Variants in SCNN1B observed in about 807,000 individuals in gnomAD.
The protein encoded by SCNN1B is sodium channel epithelial 1 subunit beta, also known as epithelial sodium channel subunit beta.
In SCNN1B, 46 loss-of-function variants were observed where a neutral mutation model predicts 65.3. The observed-to-expected ratio is 0.70, with a 90% CI of 0.56 to 0.90. The LOEUF is 0.90. Among genes scored for constraint, SCNN1B ranks in the 40% least tolerant of loss-of-function variants. SCNN1B has a pLI of 0.00. For synonymous variants in SCNN1B, 349 were observed against 330.6 expected, an observed-to-expected ratio of 1.06 and a Z score of -0.60; for missense variants, 751 against 830.5, an observed-to-expected ratio of 0.90 and a Z score of 1.18.
At chr16:23,368,374 TA>T (rs577397884) in intron 5 of SCNN1B, among the ~76,000 whole-genome samples, 99 of 148,798 alleles carry the variant, frequency 6.7e-4, no homozygotes, top group Non-Finnish European at 1.0e-3. Flanking sequence ...CCCCATCTCT[TA>T]AAAAAAAAAT....
intron 1 of SCNN1B, among the ~76,000 whole-genome samples, chr16:23,333,936 A>T (rs1961882189): frequency 6.6e-6 from 1 of 151,916 alleles, no homozygotes; most frequent in Non-Finnish European, 1.5e-5. Context: ...CTAACTCCCA[A>T]ACCCTACCCT....
intron 1 of SCNN1B, among the ~76,000 whole-genome samples, chr16:23,345,940 C>G (rs1185982522): frequency 2.0e-5 from 3 of 152,156 alleles, no homozygotes. Context: ...AGGAATAGAG[C>G]TGGGATGCTC....
chr16:23,359,923 C>T (rs1962502667), intron 4 of SCNN1B, among the ~76,000 whole-genome samples: 1 of 152,182 alleles, frequency 6.6e-6, no homozygotes. Context: ...GGCTTTTGGG[C>T]CGGGCATGGT....
chr16:23,371,244 C>G lies in SCNN1B; in HGVS notation c.881-55C>G, dbSNP rs937271498. 5.6e-6 allele frequency: 9 copies of G among 1,599,064 alleles called. No homozygotes were observed. In the African/African-American group the frequency reaches 1.1e-4, roughly 19 times the overall value. ...AGCTTGGAGAAGTGGGTAGTGGGGT[C>G]TCCTTTCTGCCTCAGGAGAAAGTTC... On this transcript the variant is annotated intron_variant, in intron 5 of 12. Transcript: ENST00000343070.
intron 1 of SCNN1B, among the ~76,000 whole-genome samples, chr16:23,305,550 A>T (rs1405642100): frequency 8.2e-5 from 3 of 36,558 alleles, no homozygotes; most frequent in African/African-American, 3.6e-4. Context: ...ATATATATAT[A>T]TATATATATA....
In SCNN1B at chr16:23,305,524, AATATATATATTATATATATATAT is replaced by A. The variant is rs1284337122; in HGVS notation, c.-9+3098_-9+3120del. On this transcript the variant is annotated intron_variant, in intron 1 of 12. Coordinates refer to ENST00000343070, the MANE Select transcript of SCNN1B (RefSeq NM_000336.3). ...ACATGGCAAAAACCCATCTCTACCAAATATATATATTATATATATATATATATATATATATATATATATATATA... is the reference window on the plus strand; with the variant it reads ...ACATGGCAAAAACCCATCTCTACCAAATATATATATATATATATATATATA... Among the ~76,000 whole-genome samples, 38 of 4,892 alleles carry A rather than the reference AATATATATATTATATATATATAT, an allele frequency of 7.8e-3. 3 individuals carry two copies. In the South Asian group the frequency reaches 0.085, roughly 11 times the overall value. 3.2% of individuals were successfully genotyped at this position (4,892 alleles called of 152,430 possible). A position where few individuals can be genotyped will look rare whatever the true frequency, so the allele number is the denominator to read the frequency against.
At chr16:23,322,617 T>G (rs1417966910) in intron 1 of SCNN1B, among the ~76,000 whole-genome samples, 1 of 152,074 alleles carries the variant, frequency 6.6e-6, no homozygotes, top group African/African-American at 2.4e-5. Context: ...AGTCCAGCAA[T>G]GTAAAATTGT....
At chr16:23,301,943 G>T (rs767997786), upstream of SCNN1B, among the ~76,000 whole-genome samples, 2 of 152,206 alleles carry the variant, frequency 1.3e-5, no homozygotes, top group Non-Finnish European at 2.9e-5. Flanking sequence ...TGAGCGCGAT[G>T]CTTCGCCTAG....
Position 23,380,952 on chromosome 16 carries a change from C to A in SCNN1B, c.*151C>A. 1.2e-6 allele frequency: 1 copy of A among 832,876 alleles called. No individual in the cohort carries two copies. 51.6% of individuals were successfully genotyped at this position (832,876 alleles called of 1,614,324 possible). On this transcript the variant is annotated 3_prime_UTR_variant, in exon 13 of 13. Coordinates refer to ENST00000343070, the MANE Select transcript of SCNN1B (RefSeq NM_000336.3). The surrounding 1 kb of genome is among the most constrained non-coding windows in gnomAD (Gnocchi z 5.4). ...CCTTCAACAGAGAGGCCAGCGGCAA[C>A]TGGTCCGTTACTGGCCAAGGGCTCT...
chr16:23,344,971 G>A (rs455648), intron 1 of SCNN1B, among the ~76,000 whole-genome samples: 4,844 of 152,094 alleles, frequency 0.032, 124 homozygotes, highest in Middle Eastern at 0.061. Flanking sequence ...CCCAGCCTGG[G>A]CAACAGAGCG....
chr16:23,291,999 T>A (rs928542993), intron 2 of SCNN1B, among the ~76,000 whole-genome samples: 3 of 151,872 alleles, frequency 2.0e-5, no homozygotes, highest in African/African-American at 7.2e-5. Context: ...GCAACTTGTT[T>A]TTTTCTCTCA....
In SCNN1B at chr16:23,348,360, A is replaced by G. The variant is rs1234397486; in HGVS notation, c.-8-232A>G. 6.6e-6 allele frequency among the ~76,000 whole-genome samples: 1 copy of G among 151,738 alleles called. No individual in the cohort carries two copies. On this transcript the variant is annotated intron_variant, in intron 1 of 12. Transcript: ENST00000343070. This position sits in a 1 kb window ranked among gnomAD's most constrained non-coding sequence, Gnocchi z 4.5. ...CAGAAGGACCATTTGAGTGCCTGGC[A>G]TATAGTAGGCATTCAATAAATGCAT... is the stretch of plus-strand genomic sequence containing the variant.
At chr16:23,295,807 C>T (rs1396525114) in intron 2 of SCNN1B, among the ~76,000 whole-genome samples, 5 of 152,154 alleles carry the variant, frequency 3.3e-5, no homozygotes, top group East Asian at 1.9e-4. Flanking sequence ...CTCAACTGAA[C>T]GTTCTCAGGG....
At chr16:23,375,913 C>T in intron 8 of SCNN1B, 58 bp downstream of exon 8, 1 of 1,204,612 alleles carries the variant, frequency 8.3e-7, no homozygotes. Flanking sequence ...GAGGCTCTGA[C>T]CATAGAGGAG....
At chr16:23,355,227 CCCTCGAGCAGTGGCTGGGGT>C in intron 3 of SCNN1B, 52 bp from the exon 4 acceptor site, 1 of 1,476,346 alleles carries the variant, frequency 6.8e-7, no homozygotes. Context: ...CCTGCTAGGG[CCCTCGAGCAGTGGCTGGGGT>C]CCTGCTAGCA....
intron 1 of SCNN1B, among the ~76,000 whole-genome samples, chr16:23,341,352 C>T (rs1215291095): frequency 6.6e-6 from 1 of 151,910 alleles, no homozygotes. Flanking sequence ...ACTATAAAGT[C>T]CTTAGAGTAA....
chr16:23,381,109 T>G lies in SCNN1B; in HGVS notation c.*308T>G. The G allele has an allele frequency of 2.3e-6, 1 of 434,628 alleles. No homozygotes were observed. Among genetic ancestry groups the G allele is most frequent in the South Asian group, 2.3e-5 (1 of 42,840 alleles). The allele number at this position is 434,628 out of a possible 1,614,324, so 26.9% of individuals were successfully genotyped here. A position where few individuals can be genotyped will look rare whatever the true frequency, so the allele number is the denominator to read the frequency against. On this transcript the variant is annotated 3_prime_UTR_variant, in exon 13 of 13. Coordinates refer to ENST00000343070, the MANE Select transcript of SCNN1B (RefSeq NM_000336.3). ...CACCCTCTCCTGGTGGCAGGCCACT[T>G]CCCTCCCAGTGCCAGTCTCCATCCA...
chr16:23,301,110 T>A (rs1225654536), upstream of SCNN1B, among the ~76,000 whole-genome samples: 2 of 151,854 alleles, frequency 1.3e-5, no homozygotes, highest in Admixed American at 1.3e-4. Flanking sequence ...ACACCTGTAA[T>A]CCCAACACTT....
Position 23,380,506 on chromosome 16 carries a change from T to C in SCNN1B, c.1628T>C (p.Ile543Thr). The change falls in exon 13 of 13, where the codon ATC becomes ACC. Residue 543 changes from isoleucine to threonine, a missense_variant. Ile to Thr is a moderately conservative substitution (Grantham distance 89). Transcript: ENST00000343070. The surrounding 1 kb of genome is among the most constrained non-coding windows in gnomAD (Gnocchi z 5.4). ...CTGTGCCTCATCGAGTTTGGGGAGA[T>C]CATCATCGACTTTGTGTGGATCACC... ...SVLCLIEFGE[I>T]IIDFVWITII... is the part of the protein sequence containing the mutation. The C allele has an allele frequency of 6.2e-7, 1 of 1,614,146 alleles. No individual in the cohort carries two copies. Among genetic ancestry groups the C allele is most frequent in the South Asian group, 1.1e-5 (1 of 91,078 alleles).
Sources: gnomAD v4.1 joint callset for allele counts (sites outside exome capture counted in the v4.1 genomes callset) on GRCh38, gnomAD v4.1.1 for gene constraint, Gnocchi (gnomAD v3.1) non-coding constraint, MANE v1.5 for transcripts, NCBI Gene and HGNC (gene_info 2026-07-23, HGNC 2026-07-21) for gene names.